VAT1L: variants seen among roughly 807,000 people sequenced by gnomAD.
VAT1L encodes the protein vesicle amine transport 1 like, also known as putative NADPH-dependent quinone oxidoreductase VAT1L.
In VAT1L, 34 loss-of-function variants were observed where a neutral mutation model predicts 44.1. The ratio of observed to expected loss-of-function variants is 0.77; its 90% CI spans 0.59 to 1.03. The LOEUF is 1.03. VAT1L is among the 50% of genes least tolerant of loss of function. The pLI, the probability that VAT1L is intolerant of heterozygous loss-of-function variation, is 0.00. For missense variants in VAT1L, 615 were observed against 538.8 expected (o/e 1.14, Z -1.40); for synonymous variants, 253 against 202.2 (o/e 1.25, Z -2.13).
At chr16:77,963,872 G>C (rs939528939) in intron 7 of VAT1L, among the ~76,000 whole-genome samples, 3 of 152,182 alleles carry the variant, frequency 2.0e-5, no homozygotes, top group African/African-American at 7.2e-5. Flanking sequence ...GAGACGAGCT[G>C]TCTCACTAGC....
chr16:77,836,604 C>T (rs957323127), intron 3 of VAT1L, among the ~76,000 whole-genome samples: 3 of 152,150 alleles, frequency 2.0e-5, no homozygotes, highest in Admixed American at 6.5e-5. Flanking sequence ...AGGGCCCCGC[C>T]TCCTTGCTCC....
chr16:77,801,966 C>G (rs2016064794), intron 1 of VAT1L, among the ~76,000 whole-genome samples: 1 of 152,146 alleles, frequency 6.6e-6, no homozygotes, highest in South Asian at 2.1e-4. Context: ...CATGACGCAG[C>G]CATCCATGCG....
intron 7 of VAT1L, among the ~76,000 whole-genome samples, chr16:77,895,936 G>T (rs1425592535): frequency 6.6e-6 from 1 of 152,166 alleles, no homozygotes; most frequent in Non-Finnish European, 1.5e-5. Flanking sequence ...AGCTGGGCAG[G>T]GCTGAGACCC....
chr16:77,957,851 G>A (rs973640220), intron 7 of VAT1L, among the ~76,000 whole-genome samples: 4 of 151,482 alleles, frequency 2.6e-5, no homozygotes, highest in Admixed American at 2.6e-4. Flanking sequence ...AGTGGTGGGA[G>A]CTCAGGTTGT....
At chr16:77,871,706 A>T (rs1206236627) in intron 4 of VAT1L, among the ~76,000 whole-genome samples, 2 of 152,148 alleles carry the variant, frequency 1.3e-5, no homozygotes, top group Non-Finnish European at 2.9e-5. Context: ...TGAGGCATAA[A>T]TGTAGCCTGG....
chr16:77,817,111 G>C, intron 2 of VAT1L, 61 bp downstream of exon 2: 1 of 1,571,232 alleles, frequency 6.4e-7, no homozygotes, highest in Non-Finnish European at 8.6e-7. Flanking sequence ...GACAACAAAA[G>C]ATGATGCAGA....
chr16:77,855,369 G>A (rs1003294551), intron 3 of VAT1L, among the ~76,000 whole-genome samples: 3 of 149,104 alleles, frequency 2.0e-5, no homozygotes, highest in Admixed American at 1.3e-4. Flanking sequence ...GTGAAATCAA[G>A]GCACAGAGAC....
intron 1 of VAT1L, among the ~76,000 whole-genome samples, chr16:77,807,424 G>A (rs999480145): frequency 6.6e-6 from 1 of 152,144 alleles, no homozygotes; most frequent in Admixed American, 6.5e-5. Context: ...CAAAGGCCCA[G>A]TCCCCATGTC....
At chr16:77,937,806 G>A (rs139781580) in intron 7 of VAT1L, among the ~76,000 whole-genome samples, 86 of 152,310 alleles carry the variant, frequency 5.6e-4, no homozygotes, top group African/African-American at 1.9e-3. Flanking sequence ...CATAAGGGGA[G>A]GAGATAACCT....
rs536662860 is a variant in VAT1L at position 77,947,235 on chromosome 16, CT to C, written c.1078-24614del. ...CCAGCGCTCACAAGACCATCTGCTT[CT>C]AGTGCTAATTAAAGTGGATGAAGAT... On this transcript the variant is annotated intron_variant, in intron 7 of 8. Coordinates refer to ENST00000302536, the MANE Select transcript of VAT1L (RefSeq NM_020927.3). Among the ~76,000 whole-genome samples, 568 of 152,322 alleles carry C rather than the reference CT, an allele frequency of 3.7e-3. 2 individuals carry two copies. Among genetic ancestry groups the C allele is most frequent in the African/African-American group, 0.013 (530 of 41,578 alleles).
rs536184552 is a variant in VAT1L, at chr16:77,874,917, G to A, written c.723-1453G>A. The stretch of plus-strand genomic sequence containing the variant: ...AGATCAGTAATTCTCAGAGCGTGGA[G>A]CTGGAATTAGCAGTGGCAGCAGCAC... On this transcript the variant is annotated intron_variant, in intron 4 of 8. Transcript: ENST00000302536. 5.9e-4 allele frequency among the ~76,000 whole-genome samples: 89 copies of A among 151,216 alleles called. 2 individuals carry two copies. In the South Asian group the frequency reaches 8.8e-3, roughly 15 times the overall value.
chr16:77,809,829 T>G (rs2016234271), intron 1 of VAT1L, among the ~76,000 whole-genome samples: 1 of 152,214 alleles, frequency 6.6e-6, no homozygotes, highest in Non-Finnish European at 1.5e-5. Flanking sequence ...CAGCTAGTCT[T>G]GTGTTTTAAA....
chr16:77,834,244 C>T (rs554050050), intron 3 of VAT1L, among the ~76,000 whole-genome samples: 4 of 152,188 alleles, frequency 2.6e-5, no homozygotes, highest in Non-Finnish European at 5.9e-5. Flanking sequence ...CTCCTTACTT[C>T]AGTAATACCG....
intron 7 of VAT1L, among the ~76,000 whole-genome samples, chr16:77,953,208 A>G (rs1309882364): frequency 2.0e-5 from 3 of 152,210 alleles, no homozygotes; most frequent in Non-Finnish European, 4.4e-5. Context: ...AACCTCCAGT[A>G]GGAACCAATC....
chr16:77,825,429 T>C lies in VAT1L; in HGVS notation c.547T>C (p.Ser183Pro). The change falls in exon 3 of 9, where the codon TCT becomes CCT. Residue 183 changes from serine (S) to proline (P), a missense_variant. Transcript: ENST00000302536. The part of the protein sequence containing the change: ...FEVANLREGM[S>P]VLVHSAGGGV... ...AGTTGCCAACCTCCGGGAAGGGATG[T>C]CTGTGCTCGTGCACTCAGCTGGTGG... 1 of 1,603,866 alleles carries C rather than the reference T, an allele frequency of 6.2e-7. No individual in the cohort carries two copies. The highest frequency in any genetic ancestry group is 8.5e-7 in the Non-Finnish European group (1 of 1,174,544).
intron 1 of VAT1L, among the ~76,000 whole-genome samples, chr16:77,792,617 G>C (rs1385091926): frequency 6.6e-6 from 1 of 151,980 alleles, no homozygotes; most frequent in Non-Finnish European, 1.5e-5. Context: ...AGCAGAAGTG[G>C]CTTCTATCTG....
intron 7 of VAT1L, among the ~76,000 whole-genome samples, chr16:77,939,562 C>G (rs1239849317): frequency 6.6e-6 from 1 of 152,164 alleles, no homozygotes; most frequent in African/African-American, 2.4e-5. Context: ...CTCCAAAGCT[C>G]TCTCCCTAAA....
intron 7 of VAT1L, among the ~76,000 whole-genome samples, chr16:77,891,120 C>T (rs557586630): frequency 3.2e-4 from 49 of 151,896 alleles, no homozygotes; most frequent in African/African-American, 1.1e-3. Flanking sequence ...TTTGGGAGGC[C>T]GAGGCGGGCG....
At position 77,957,507 on chromosome 16, in the gene VAT1L, A is replaced by C. The variant is rs963943066; in HGVS notation, c.1078-14343A>C. ...TTTGGGCAGCCAAGGCGGGTAGATC[A>C]CAAGGTCAAGAGATCGAGACCATCC... On this transcript the variant is annotated intron_variant, in intron 7 of 8. Coordinates refer to ENST00000302536, the MANE Select transcript of VAT1L (RefSeq NM_020927.3). Among the ~76,000 whole-genome samples the C allele has an allele frequency of 7.2e-4, 110 of 152,234 alleles. 1 individual carries two copies. Among genetic ancestry groups the C allele is most frequent in the African/African-American group, 2.5e-3 (104 of 41,564 alleles).
Sources: gnomAD v4.1 joint callset for allele counts (sites outside exome capture counted in the v4.1 genomes callset) on GRCh38, gnomAD v4.1.1 for gene constraint, MANE v1.5 for transcripts, NCBI Gene and HGNC (gene_info 2026-07-23, HGNC 2026-07-21) for gene names.